Variants in FREM1 observed in about 807,000 individuals in gnomAD.
FREM1 encodes the protein FRAS1-related extracellular matrix protein 1.
FREM1 carries 220 observed loss-of-function variants against 210.1 expected under a neutral mutation model. The observed-to-expected ratio is 1.05, with a 90% confidence interval of 0.94 to 1.17. FREM1 has a LOEUF of 1.17. Ranked by LOEUF, FREM1 falls within the 50% of genes most tolerant of loss-of-function variation. The probability of loss-of-function intolerance (pLI) is 0.00; values close to 1 mark genes in which losing one functional copy is unlikely to be tolerated. For synonymous variants in FREM1, 1,189 were observed against 980.2 expected, an observed-to-expected ratio of 1.21 and a Z score of -3.98; for missense variants, 3,454 against 2,675.5, an observed-to-expected ratio of 1.29 and a Z score of -6.42.
At chr9:14,788,830 G>T in intron 23 of FREM1, 89 bp downstream of exon 23, 1 of 968,656 alleles carries the variant, frequency 1.0e-6, no homozygotes, top group Non-Finnish European at 1.5e-6. Flanking sequence ...GGAAAGAAGG[G>T]AGGGAAAGAG....
intron 24 of FREM1, chr9:14,782,425 A>C: frequency 1.7e-5 from 14 of 819,468 alleles, no homozygotes; most frequent in South Asian, 5.6e-5. Flanking sequence ...CAGCAAGGTC[A>C]CTGGTTTCTT....
rs115840357 is a variant in FREM1, at chr9:14,895,290, C to T, written c.-268+14624G>A. ...ATAAAGCAAATCGGTCTTACCATGA[C>T]TTGTCTTTAGTGAAAATGGGAAACT... On this transcript the variant is annotated intron_variant, in intron 1 of 36. Coordinates refer to ENST00000380880, the MANE Select transcript of FREM1 (RefSeq NM_001379081.2). 7.4e-3 allele frequency among the ~76,000 whole-genome samples: 1,133 copies of T among 152,240 alleles called. 14 individuals carry two copies. Among genetic ancestry groups the T allele is most frequent in the African/African-American group, 0.026 (1,072 of 41,544 alleles).
At chr9:14,846,891 CA>C (rs1421507474) in intron 7 of FREM1, among the ~76,000 whole-genome samples, 1 of 152,140 alleles carries the variant, frequency 6.6e-6, no homozygotes, top group Non-Finnish European at 1.5e-5. Flanking sequence ...TCCCAGTCTC[CA>C]AAATTGTAAA....
At chr9:14,876,082 C>T (rs977476521) in intron 1 of FREM1, among the ~76,000 whole-genome samples, 14 of 152,260 alleles carry the variant, frequency 9.2e-5, no homozygotes, top group African/African-American at 3.1e-4. Context: ...TCAGTCTGCC[C>T]CTACTGGGGG....
intron 35 of FREM1, among the ~76,000 whole-genome samples, chr9:14,743,811 G>C (rs1841962503): frequency 6.6e-6 from 1 of 151,938 alleles, no homozygotes; most frequent in Admixed American, 6.6e-5. Context: ...CCCTTTTGTT[G>C]CATACTGCAA....
intron 22 of FREM1, among the ~76,000 whole-genome samples, chr9:14,791,897 A>G (rs1481886810): frequency 1.3e-5 from 2 of 152,060 alleles, no homozygotes; most frequent in Non-Finnish European, 2.9e-5. Flanking sequence ...CAGCAGCACA[A>G]TCTCAGCTCA....
intron 35 of FREM1, among the ~76,000 whole-genome samples, chr9:14,740,510 T>A (rs1841379989): frequency 6.6e-6 from 1 of 152,184 alleles, no homozygotes; most frequent in South Asian, 2.1e-4. Context: ...TTCAAACATC[T>A]TTTTGGAAAA....
chr9:14,780,812 T>A (rs555383243), intron 24 of FREM1, among the ~76,000 whole-genome samples: 6 of 152,180 alleles, frequency 3.9e-5, no homozygotes, highest in Non-Finnish European at 7.3e-5. Flanking sequence ...GTTGCATATA[T>A]TTAATTTTTA....
At position 14,770,706 on chromosome 9, in the gene FREM1, G is replaced by T. The variant is rs758627757; in HGVS notation, c.4958C>A (p.Ser1653Tyr). The change falls in exon 26 of 37, where the codon TCC becomes TAC. Residue 1653 changes from serine (S) to tyrosine (Y), a missense_variant. By Grantham distance (144) the Ser-to-Tyr change is moderately radical. Coordinates refer to ENST00000380880, the MANE Select transcript of FREM1 (RefSeq NM_001379081.2). ...KNGCYGIYIT[S>Y]RVLKASDPDT... ...AGGGTCTGATGCCTTCAACACGCGG[G>T]AAGTGATGTAAATCCCGTAGCAGCC... 4.3e-6 allele frequency: 7 copies of T among 1,613,284 alleles called. No individual in the cohort carries two copies. The South Asian group carries it at 7.7e-5, about 18-fold the overall frequency.
chr9:14,882,209 GCTAAAGATTTAACTTCCTAC>G (rs2132162576), intron 1 of FREM1, among the ~76,000 whole-genome samples: 1 of 152,122 alleles, frequency 6.6e-6, no homozygotes. Flanking sequence ...TCACTAATCA[GCTAAAGATTTAACTTCCTAC>G]CTAACAGCAT....
At chr9:14,791,674 T>C (rs1030945606) in intron 22 of FREM1, among the ~76,000 whole-genome samples, 7 of 152,166 alleles carry the variant, frequency 4.6e-5, no homozygotes, top group African/African-American at 1.7e-4. Flanking sequence ...ATTTGGCATA[T>C]TGTTTGTGGA....
At chr9:14,843,486 CATAG>C (rs987081249) in intron 8 of FREM1, among the ~76,000 whole-genome samples, 1 of 105,264 alleles carries the variant, frequency 9.5e-6, no homozygotes, top group Non-Finnish European at 1.9e-5. Flanking sequence ...TAAATCACCT[CATAG>C]ATAGATAGGT....
intron 5 of FREM1, among the ~76,000 whole-genome samples, chr9:14,854,248 A>G (rs952067758): frequency 6.6e-6 from 1 of 152,156 alleles, no homozygotes; most frequent in Non-Finnish European, 1.5e-5. Flanking sequence ...TGCAAGACAA[A>G]TTTTTTTAAT....
intron 1 of FREM1, among the ~76,000 whole-genome samples, chr9:14,878,153 G>C (rs1387851424): frequency 6.6e-6 from 1 of 152,142 alleles, no homozygotes; most frequent in Non-Finnish European, 1.5e-5. Flanking sequence ...ACTTCCAGTA[G>C]TGTCTCATCT....
chr9:14,769,942 C>A, intron 26 of FREM1, 74 bp from the exon 27 acceptor site: 2 of 721,588 alleles, frequency 2.8e-6, no homozygotes, highest in Non-Finnish European at 4.4e-6. Context: ...AATTGTATGG[C>A]TATTTTATTT....
Position 14,824,807 on chromosome 9 carries a change from G to A in FREM1, c.2067C>T (p.Ser689=). 6.2e-7 allele frequency: 1 copy of A among 1,610,680 alleles called. No homozygotes were observed. Among genetic ancestry groups the A allele is most frequent in the South Asian group, 1.1e-5 (1 of 90,392 alleles). The change falls in exon 11 of 37, where the codon TCC becomes TCT. Residue 689 remains serine (S), a synonymous_variant. Coordinates refer to ENST00000380880, the MANE Select transcript of FREM1 (RefSeq NM_001379081.2). ...GACTTTTCAGATACCTGTGGCTGAA[G>A]GAGAAAAATGGAGGAGTAGTTATTG... ...VYTITTPPFF[S]FSHRHLDAGK...
intron 3 of FREM1, among the ~76,000 whole-genome samples, chr9:14,859,751 T>A (rs1829457467): frequency 6.6e-6 from 1 of 152,218 alleles, no homozygotes; most frequent in Non-Finnish European, 1.5e-5. Flanking sequence ...CGTGGATATT[T>A]AATGACTGCT....
At chr9:14,796,798 C>A (rs1852484678) in intron 21 of FREM1, among the ~76,000 whole-genome samples, 1 of 152,138 alleles carries the variant, frequency 6.6e-6, no homozygotes, top group Non-Finnish European at 1.5e-5. Flanking sequence ...TTCCTGAGTC[C>A]TCCCAATCCC....
rs185888484 is a variant in FREM1 at position 14,738,808 on chromosome 9, G to A, written c.6341-1213C>T. Among the ~76,000 whole-genome samples, 262 of 151,910 alleles carry A rather than the reference G, an allele frequency of 1.7e-3. 1 individual carries two copies. Among genetic ancestry groups the A allele is most frequent in the African/African-American group, 6.0e-3 (247 of 41,448 alleles). On this transcript the variant is annotated intron_variant, in intron 36 of 36. Transcript: ENST00000380880. ...GTGGATCACCTGAGGTCAGGAGTTC[G>A]AGACCAGCCTGGCCAACATGGTGAA... is the stretch of plus-strand genomic sequence containing the variant.
Sources: allele counts gnomAD v4.1 joint callset (sites outside exome capture counted in the v4.1 genomes callset), GRCh38; gene constraint gnomAD v4.1.1; transcripts MANE v1.5; gene names NCBI Gene and HGNC (gene_info 2026-07-23, HGNC 2026-07-21).